SCNN1D: variants seen among roughly 807,000 people sequenced by gnomAD.
SCNN1D encodes the protein epithelial sodium channel subunit delta.
A neutral mutation model predicts 87.8 loss-of-function variants in SCNN1D; 104 were observed. The observed-to-expected ratio is 1.18, with a 90% CI of 1.01 to 1.39. SCNN1D has a LOEUF of 1.39. Among genes scored for constraint, SCNN1D ranks in the 40% most tolerant of loss-of-function variants. The pLI is 0.00. For missense variants in SCNN1D, 1,324 were observed against 1,093.9 expected (o/e 1.21, Z -2.97); for synonymous variants, 628 against 481.2 (o/e 1.31, Z -3.99).
At chr1:1,285,437 C>T in intron 5 of SCNN1D, 134 bp from the exon 6 acceptor site, 1 of 603,724 alleles carries the variant, frequency 1.7e-6, no homozygotes, top group Non-Finnish European at 2.9e-6. Flanking sequence ...GGGCCTGGCA[C>T]AGTCGGTCCT....
In SCNN1D at chr1:1,285,777, G is replaced by A. The variant is rs576361939; in HGVS notation, c.558+113G>A. 1.3e-5 allele frequency: 15 copies of A among 1,198,058 alleles called. No individual in the cohort carries two copies. In the African/African-American group the frequency reaches 2.0e-4, roughly 16 times the overall value. 74.2% of individuals were successfully genotyped at this position (1,198,058 alleles called of 1,614,324 possible). ...AGGGACGGGTGTATCCGGGGAGAAG[G>A]GCGCAGTGTCAGAGCACCCTGGGAG... On this transcript the variant is annotated intron_variant, in intron 6 of 17. Transcript: ENST00000379116.
chr1:1,286,082 C>T lies in SCNN1D; in HGVS notation c.715C>T (p.Leu239=), dbSNP rs1424855489. 2 of 1,606,682 alleles carry T rather than the reference C, an allele frequency of 1.2e-6. No individual in the cohort carries two copies. The highest frequency in any genetic ancestry group is 1.1e-5 in the South Asian group (1 of 90,002). Residue 239 remains leucine (L), a synonymous_variant, in exon 7 of 18, where the codon CTG becomes TTG. Coordinates refer to ENST00000379116, the MANE Select transcript of SCNN1D (RefSeq NM_001130413.4). ...TNATIHGAIR[L]VCSRGNRLKT... ...TGCCACCATCCACGGCGCCATCCGCCTGGTCTGCTCCCGCGGGAACCGCCT... is the reference window on the plus strand; with the variant it reads ...TGCCACCATCCACGGCGCCATCCGCTTGGTCTGCTCCCGCGGGAACCGCCT...
intron 4 of SCNN1D, among the ~76,000 whole-genome samples, chr1:1,282,654 G>A (rs998787096): frequency 5.9e-5 from 9 of 152,128 alleles, no homozygotes; most frequent in African/African-American, 2.2e-4. Context: ...AGGTCTTAGC[G>A]TGTGTGGTCT....
rs558823329 is a variant in SCNN1D at position 1,291,115 on chromosome 1, C to T, written c.2027C>T (p.Ser676Leu). 8 of 1,612,316 alleles carry T rather than the reference C, an allele frequency of 5.0e-6. No homozygotes were observed. In the South Asian group the frequency reaches 8.8e-5, roughly 18 times the overall value. ...GTCTACCAGGAGCTCAACTACCGCT[C>T]AGTGGAGGAGGCGCCCGTGTACTCG... ...NIVYQELNYRSVEEAPVYSVP... is the reference protein window; with the variant it reads ...NIVYQELNYRLVEEAPVYSVP... The change falls in exon 17 of 18, where the codon TCA becomes TTA. Residue 676 changes from serine (S) to leucine (L), a missense_variant. Coordinates refer to ENST00000379116, the MANE Select transcript of SCNN1D (RefSeq NM_001130413.4).
intron 12 of SCNN1D, among the ~76,000 whole-genome samples, chr1:1,288,641 C>T (rs866901836): frequency 1.5e-3 from 114 of 75,348 alleles, no homozygotes; most frequent in Admixed American, 2.2e-3. Flanking sequence ...GTGTCTCTGC[C>T]CCGTCCCGTG....
chr1:1,282,120 G>A (rs541831615), intron 3 of SCNN1D, 122 bp from the exon 4 acceptor site: 3 of 659,770 alleles, frequency 4.5e-6, no homozygotes, highest in Non-Finnish European at 8.4e-6. Context: ...ACATCAGCAA[G>A]CCCCCTGCCG....
Position 1,287,615 on chromosome 1 carries a change from C to A in SCNN1D, c.1399+19C>A. 1 of 1,608,358 alleles carries A rather than the reference C, an allele frequency of 6.2e-7. No homozygotes were observed. Among genetic ancestry groups the A allele is most frequent in the Non-Finnish European group, 8.5e-7 (1 of 1,176,978 alleles). The stretch of plus-strand genomic sequence containing the variant: ...ACCCACGGTGGGTGCCAGCCCCTGG[C>A]CGGTGCGGGGGCAGGGGTGCAGGTC... On this transcript the variant is annotated intron_variant, in intron 10 of 17. Transcript: ENST00000379116.
intron 12 of SCNN1D, 128 bp downstream of exon 12, chr1:1,288,165 A>G (rs978083410): frequency 5.0e-5 from 34 of 674,010 alleles, no homozygotes; most frequent in African/African-American, 3.7e-4. Flanking sequence ...GTCCCCGTGG[A>G]GGCCCGCACT....
intron 16 of SCNN1D, 29 bp downstream of exon 16, chr1:1,290,982 C>T (rs1454598271): frequency 1.3e-6 from 2 of 1,595,816 alleles, no homozygotes; most frequent in Admixed American, 1.7e-5. Context: ...TCCAGAGAGG[C>T]ATCACAGCCC....
At chr1:1,287,001 G>A in intron 8 of SCNN1D, 26 bp downstream of exon 8, 1 of 1,603,120 alleles carries the variant, frequency 6.2e-7, no homozygotes, top group African/African-American at 1.3e-5. Context: ...GGGGCCTGCA[G>A]CCATCAGGGC....
Position 1,286,243 on chromosome 1 carries a change from C to T in SCNN1D, c.876C>T (p.Leu292=). 4 of 1,592,716 alleles carry T rather than the reference C, an allele frequency of 2.5e-6. No individual in the cohort carries two copies. The highest frequency in any genetic ancestry group is 2.3e-5 in the East Asian group (1 of 44,372). Reference sequence around the variant, plus strand: ...CTGTGCACTCGGAGCGCAAGCTGCTCCCGCTGGTCACCCTGTGTGACGGGA... The same window carrying T: ...CTGTGCACTCGGAGCGCAAGCTGCTTCCGCTGGTCACCCTGTGTGACGGGA... ...AVSVHSERKL[L]PLVTLCDGNP... Residue 292 remains leucine (L), a synonymous_variant, in exon 7 of 18, where the codon CTC becomes CTT. Coordinates refer to ENST00000379116, the MANE Select transcript of SCNN1D (RefSeq NM_001130413.4).
chr1:1,284,316 AGGGGTGGG>A (rs1190765012), intron 5 of SCNN1D, among the ~76,000 whole-genome samples: 4 of 52,388 alleles, frequency 7.6e-5, no homozygotes, highest in Non-Finnish European at 1.4e-4. Flanking sequence ...GGTGGGGGGT[AGGGGTGGG>A]GGGGTGGGGC....
At chr1:1,285,276 AGCCTCCAGC>A (rs1640563793) in intron 5 of SCNN1D, among the ~76,000 whole-genome samples, 2 of 152,342 alleles carry the variant, frequency 1.3e-5, no homozygotes, top group South Asian at 4.1e-4. Context: ...AGGACTCCAG[AGCCTCCAGC>A]GCGGGACTGG....
In SCNN1D at chr1:1,280,679, C is replaced by G. The variant is rs1640452102; in HGVS notation, c.5+13C>G. On this transcript the variant is annotated intron_variant, in intron 1 of 17. Transcript: ENST00000379116. ...GAGGAGGCATGAGGTGCGTCCGACT[C>G]CCTTCCCATCACAGCTGAGCTAGTT... 1.4e-6 allele frequency: 1 copy of G among 701,772 alleles called. No individual in the cohort carries two copies. 43.5% of individuals were successfully genotyped at this position (701,772 alleles called of 1,614,324 possible). A position where few individuals can be genotyped will look rare whatever the true frequency, so the allele number is the denominator to read the frequency against.
At chr1:1,284,595 T>C (rs1640547874) in intron 5 of SCNN1D, among the ~76,000 whole-genome samples, 1 of 151,288 alleles carries the variant, frequency 6.6e-6, no homozygotes, top group Non-Finnish European at 1.5e-5. Context: ...GAGCGTGTGC[T>C]GGACCACGGG....
intron 4 of SCNN1D, among the ~76,000 whole-genome samples, chr1:1,283,436 C>T (rs986424002): frequency 1.3e-5 from 2 of 152,128 alleles, no homozygotes; most frequent in East Asian, 3.9e-4. Context: ...CGGTGGCTCA[C>T]GCCTGTAATC....
In SCNN1D at chr1:1,290,133, T is replaced by A. The variant is rs866286651; in HGVS notation, c.1663-138T>A. 4.2e-4 allele frequency: 201 copies of A among 482,874 alleles called. 2 individuals are homozygous for A. The highest frequency in any genetic ancestry group is 7.9e-4 in the Admixed American group (20 of 25,454). The allele number at this position is 482,874 out of a possible 1,614,324, so 29.9% of individuals were successfully genotyped here. On this transcript the variant is annotated intron_variant, in intron 12 of 17. Transcript: ENST00000379116. ...TCCCGTGTCTCTGCTCCGTCCCCCG[T>A]GTCTCTGCTCCGTCCCGTGTCTCTG...
At position 1,286,134 on chromosome 1, in the gene SCNN1D, C is replaced by T. The variant is rs536146800; in HGVS notation, c.767C>T (p.Ser256Phe). ...AAGACGACGTCCTGGGGGCTGCTGT[C>T]CCTGGGAGCCCTGGTCGCGCTCTGC... ...RLKTTSWGLL[S>F]LGALVALCWQ... Residue 256 changes from serine to phenylalanine, a missense_variant, in exon 7 of 18, where the codon TCC becomes TTC. Transcript: ENST00000379116. 1.2e-6 allele frequency: 2 copies of T among 1,610,132 alleles called. No individual in the cohort carries two copies. The highest frequency in any genetic ancestry group is 1.7e-5 in the Admixed American group (1 of 59,778).
chr1:1,280,849 A>G (rs1474348297), intron 1 of SCNN1D, 183 bp downstream of exon 1: 2 of 589,224 alleles, frequency 3.4e-6, no homozygotes, highest in Admixed American at 5.5e-5. Flanking sequence ...GACACCGGCC[A>G]GACCCCAAGC....
Sources: allele counts gnomAD v4.1 joint callset (sites outside exome capture counted in the v4.1 genomes callset), GRCh38; gene constraint gnomAD v4.1.1; transcripts MANE v1.5; gene names NCBI Gene and HGNC (gene_info 2026-07-23, HGNC 2026-07-21).